Variants in N4BP1 observed in about 807,000 individuals in gnomAD.
N4BP1 encodes NEDD4 binding protein 1.
A neutral mutation model predicts 70.9 loss-of-function variants in N4BP1; 21 were observed. The observed-to-expected ratio is 0.30, with a 90% CI of 0.21 to 0.43. N4BP1 has a LOEUF of 0.43. Among genes scored for constraint, N4BP1 ranks in the 20% least tolerant of loss-of-function variants. The pLI, the probability that N4BP1 is intolerant of heterozygous loss-of-function variation, is 1.00. For missense variants in N4BP1, 936 were observed against 1,069.4 expected, an observed-to-expected ratio of 0.88 and a Z score of 1.74; for synonymous variants, 387 against 394.6, an observed-to-expected ratio of 0.98 and a Z score of 0.23.
intron 6 of N4BP1, 55 bp downstream of exon 6, chr16:48,546,092 G>T: frequency 8.3e-7 from 1 of 1,201,614 alleles, no homozygotes; most frequent in Non-Finnish European, 1.2e-6. Flanking sequence ...TTGCACTAAA[G>T]CACAAAGAAT....
chr16:48,558,293 CA>C (rs57285875), intron 2 of N4BP1, among the ~76,000 whole-genome samples: 9,369 of 98,162 alleles, frequency 0.095, 836 homozygotes, highest in African/African-American at 0.28. Context: ...ATCAGTTTTC[CA>C]AAAAAAAAAA....
chr16:48,559,767 A>G (rs1412721884), intron 2 of N4BP1: 1 of 152,192 alleles, frequency 6.6e-6, no homozygotes, highest in Non-Finnish European at 1.5e-5. Flanking sequence ...GCCAGCCCTC[A>G]TTGCTGGGTG....
At chr16:48,594,544 C>T (rs9923753) in intron 1 of N4BP1, among the ~76,000 whole-genome samples, 61,249 of 151,794 alleles carry the variant, frequency 0.4, 13,319 homozygotes, top group African/African-American at 0.56. Context: ...TTGGTAGAGA[C>T]GGGGTTTCAC....
chr16:48,605,281 C>T (rs563485786), intron 1 of N4BP1, among the ~76,000 whole-genome samples: 105 of 152,206 alleles, frequency 6.9e-4, no homozygotes, highest in South Asian at 2.5e-3. Flanking sequence ...TCAGACCACT[C>T]GGCATCCCAA....
At chr16:48,604,352 A>T (rs929217879) in intron 1 of N4BP1, among the ~76,000 whole-genome samples, 4 of 152,208 alleles carry the variant, frequency 2.6e-5, no homozygotes, top group Admixed American at 6.5e-5. Flanking sequence ...GGAATTCAAG[A>T]TTAGCCAGGG....
At chr16:48,557,582 G>C (rs558643392) in intron 2 of N4BP1, among the ~76,000 whole-genome samples, 1 of 152,060 alleles carries the variant, frequency 6.6e-6, no homozygotes, top group East Asian at 1.9e-4. Context: ...TATGGCCTCA[G>C]TTAAAAATCT....
intron 1 of N4BP1, among the ~76,000 whole-genome samples, chr16:48,578,671 A>G (rs748854912): frequency 2.6e-5 from 4 of 152,198 alleles, no homozygotes; most frequent in Non-Finnish European, 4.4e-5. Context: ...CCTTGCTCAA[A>G]AACTTTCTAA....
chr16:48,592,528 T>C (rs1354535076), intron 1 of N4BP1, among the ~76,000 whole-genome samples: 1 of 152,236 alleles, frequency 6.6e-6, no homozygotes, highest in Non-Finnish European at 1.5e-5. Context: ...CTGGATATTC[T>C]GTCTGTGTAT....
At chr16:48,579,392 C>G (rs1347703977) in intron 1 of N4BP1, among the ~76,000 whole-genome samples, 2 of 152,124 alleles carry the variant, frequency 1.3e-5, no homozygotes, top group Non-Finnish European at 2.9e-5. Context: ...AATGGCCTTT[C>G]AAATATAAGG....
At chr16:48,608,154 T>C (rs1220676262) in intron 1 of N4BP1, among the ~76,000 whole-genome samples, 2 of 152,190 alleles carry the variant, frequency 1.3e-5, no homozygotes, top group African/African-American at 4.8e-5. Context: ...CTCCGAGCGT[T>C]TTATTACTAT....
chr16:48,555,917 G>T (rs1318579236), intron 2 of N4BP1, among the ~76,000 whole-genome samples: 1 of 152,232 alleles, frequency 6.6e-6, no homozygotes, highest in Non-Finnish European at 1.5e-5. Context: ...AGATACAAAT[G>T]TGTGCTACCT....
rs563300953 is a variant in N4BP1, at chr16:48,562,056, A to C, written c.587T>G (p.Leu196Arg). 2 of 1,613,874 alleles carry C rather than the reference A, an allele frequency of 1.2e-6. No individual in the cohort carries two copies. Among genetic ancestry groups the C allele is most frequent in the South Asian group, 2.2e-5 (2 of 91,082 alleles). ...AACCTCATCATCTCCTGTTTCAAAG[A>C]GATTCTCCTCACCTTGTGTGAGTGT... is the stretch of plus-strand genomic sequence containing the variant. ...LLTLTQGEEN[L>R]FETGDDEVIE... Residue 196 changes from leucine to arginine, a missense_variant, in exon 2 of 7, where the codon CTC becomes CGC. Leu to Arg is a moderately radical substitution (Grantham distance 102, BLOSUM62 -2). Around this residue, in one of 4 missense-constraint regions of N4BP1, gnomAD observed 515 missense variants for 491.7 expected, o/e 1.05. Coordinates refer to ENST00000262384, the MANE Select transcript of N4BP1 (RefSeq NM_153029.4).
chr16:48,597,663 A>G (rs1045039117), intron 1 of N4BP1, among the ~76,000 whole-genome samples: 1 of 151,504 alleles, frequency 6.6e-6, no homozygotes. Context: ...CACTCTAACC[A>G]ATGAATGATA....
rs1963524326 is a variant in N4BP1, at chr16:48,542,823, T to C, written c.*81A>G. 3.3e-6 allele frequency: 4 copies of C among 1,210,836 alleles called. No homozygotes were observed. The Admixed American group carries it at 9.9e-5, about 30-fold the overall frequency. The allele number at this position is 1,210,836 out of a possible 1,614,324, so 75.0% of individuals were successfully genotyped here. A position where few individuals can be genotyped will look rare whatever the true frequency, so the allele number is the denominator to read the frequency against. On this transcript the variant is annotated 3_prime_UTR_variant, in exon 7 of 7. Transcript: ENST00000262384. ...CTGGGAAATAAGTTTCTTCACATTATGTTCATTCCCATCAGGTACAGGTGT... is the reference window on the plus strand; with the variant it reads ...CTGGGAAATAAGTTTCTTCACATTACGTTCATTCCCATCAGGTACAGGTGT...
In N4BP1 at chr16:48,603,603, T is replaced by C. The variant is rs548300982; in HGVS notation, c.198+6172A>G. 2.0e-5 allele frequency: 3 copies of C among 152,272 alleles called. No individual in the cohort carries two copies. The East Asian group carries it at 5.8e-4, about 29-fold the overall frequency. 9.4% of individuals were successfully genotyped at this position (152,272 alleles called of 1,614,324 possible). A position where few individuals can be genotyped will look rare whatever the true frequency, so the allele number is the denominator to read the frequency against. ...TAGCACTAGCTCCAGATACTTCACA[T>C]TGCCATCTCCTCTACTTTCTCACTT... On this transcript the variant is annotated intron_variant, in intron 1 of 6. Coordinates refer to ENST00000262384, the MANE Select transcript of N4BP1 (RefSeq NM_153029.4).
intron 2 of N4BP1, among the ~76,000 whole-genome samples, chr16:48,560,000 C>G (rs547838668): frequency 6.6e-6 from 1 of 152,050 alleles, no homozygotes; most frequent in African/African-American, 2.4e-5. Context: ...ACTGAAACTC[C>G]GAACAGTTAA....
chr16:48,550,828 G>T (rs1432462316), intron 4 of N4BP1, among the ~76,000 whole-genome samples: 2 of 152,082 alleles, frequency 1.3e-5, no homozygotes, highest in African/African-American at 4.8e-5. Context: ...TGAGGCAGGA[G>T]AATCGCTTGA....
At chr16:48,583,152 G>A (rs529095525) in intron 1 of N4BP1, among the ~76,000 whole-genome samples, 2 of 152,102 alleles carry the variant, frequency 1.3e-5, no homozygotes, top group African/African-American at 2.4e-5. Flanking sequence ...CTTGGTGTCC[G>A]CAGGGGATTG....
At chr16:48,583,582 G>A (rs1316620734) in intron 1 of N4BP1, among the ~76,000 whole-genome samples, 3 of 152,104 alleles carry the variant, frequency 2.0e-5, no homozygotes, top group Non-Finnish European at 4.4e-5. Context: ...ATCTATGTGA[G>A]GCATGTTAAT....
Sources: allele counts gnomAD v4.1 joint callset (sites outside exome capture counted in the v4.1 genomes callset), GRCh38; gene constraint gnomAD v4.1.1; regional missense constraint gnomAD v4.1.1; transcripts MANE v1.5; gene names NCBI Gene and HGNC (gene_info 2026-07-23, HGNC 2026-07-21).